Variants in TENT4A observed in about 807,000 individuals in gnomAD.
The protein encoded by TENT4A is terminal nucleotidyltransferase 4A, also known as DNA polymerase kappa.
TENT4A carries 7 observed loss-of-function variants against 72.8 expected under a neutral mutation model. That is an observed-to-expected ratio of 0.10 (90% CI 0.05 to 0.18). The LOEUF (loss-of-function observed/expected upper bound fraction) is 0.18, where lower values mean the gene tolerates loss of function less well. TENT4A is among the 10% of genes least tolerant of loss of function. TENT4A has a pLI of 1.00. For missense variants in TENT4A, 831 were observed against 1,017.7 expected (o/e 0.82, Z 2.50); for synonymous variants, 456 against 434.3 (o/e 1.05, Z -0.62).
intron 11 of TENT4A, among the ~76,000 whole-genome samples, chr5:6,752,422 G>A (rs1274008279): frequency 2.0e-5 from 3 of 152,232 alleles, no homozygotes; most frequent in Non-Finnish European, 4.4e-5. Flanking sequence ...GCTGCTGACA[G>A]TAACGGGTGA....
At chr5:6,738,604 T>C (rs1174759479) in intron 2 of TENT4A, 79 bp from the exon 3 acceptor site, 1 of 1,069,812 alleles carries the variant, frequency 9.3e-7, no homozygotes, top group Non-Finnish European at 1.5e-6. Context: ...TAGTGAGGGC[T>C]TTCTTTTAGT....
chr5:6,740,853 G>T (rs1345057136), intron 4 of TENT4A, among the ~76,000 whole-genome samples: 3 of 152,190 alleles, frequency 2.0e-5, no homozygotes, highest in African/African-American at 7.2e-5. Context: ...AATGCTTACG[G>T]GCCTTATTGC....
At chr5:6,727,426 T>C (rs758160984) in intron 1 of TENT4A, among the ~76,000 whole-genome samples, 1 of 152,234 alleles carries the variant, frequency 6.6e-6, no homozygotes, top group Non-Finnish European at 1.5e-5. Flanking sequence ...TAGGTCCATC[T>C]TGAATCTCCT....
intron 6 of TENT4A, among the ~76,000 whole-genome samples, chr5:6,745,467 CAT>C (rs1184243219): frequency 6.6e-6 from 1 of 152,206 alleles, no homozygotes; most frequent in Non-Finnish European, 1.5e-5. Flanking sequence ...CAGGGCGCCA[CAT>C]GTGGCTACTG....
intron 6 of TENT4A, 82 bp downstream of exon 6, chr5:6,743,922 G>T: frequency 7.9e-7 from 1 of 1,265,092 alleles, no homozygotes; most frequent in Non-Finnish European, 1.1e-6. Context: ...GTGGGTTCCA[G>T]CAGCCTTTGC....
chr5:6,720,814 G>A (rs1740611874), intron 1 of TENT4A, among the ~76,000 whole-genome samples: 1 of 152,104 alleles, frequency 6.6e-6, no homozygotes, highest in African/African-American at 2.4e-5. Flanking sequence ...TTAGGAAAGG[G>A]GTCTTTCCTA....
At chr5:6,743,943 C>A (rs2126643972) in intron 6 of TENT4A, 103 bp downstream of exon 6, 1 of 1,040,134 alleles carries the variant, frequency 9.6e-7, no homozygotes, top group Non-Finnish European at 1.4e-6. Context: ...TCTCCTTTTA[C>A]TGTATTGTTT....
chr5:6,750,297 A>G (rs1579498385), intron 9 of TENT4A, 34 bp from the exon 10 acceptor site: 1 of 1,580,340 alleles, frequency 6.3e-7, no homozygotes, highest in Non-Finnish European at 8.6e-7. Flanking sequence ...CGCAGTTCTC[A>G]GGAGTTATTA....
chr5:6,752,860 A>G lies in TENT4A; in HGVS notation c.2020-13A>G, dbSNP rs763392747. On this transcript the variant is annotated splice_polypyrimidine_tract_variant and intron_variant, in intron 11 of 12. Transcript: ENST00000230859. ...GCTTTGGTACCCATGGCCGTCTCTC[A>G]TTTTGTTCCTAGACCAGGTTTACTA... The G allele has an allele frequency of 2.5e-6, 4 of 1,606,850 alleles. No homozygotes were observed. Among genetic ancestry groups the G allele is most frequent in the South Asian group, 2.2e-5 (2 of 90,926 alleles).
Position 6,754,895 on chromosome 5 carries a change from A to G in TENT4A, c.2329A>G (p.Lys777Glu). 2 of 1,605,318 alleles carry G rather than the reference A, an allele frequency of 1.2e-6. No homozygotes were observed. Among genetic ancestry groups the G allele is most frequent in the Non-Finnish European group, 1.7e-6 (2 of 1,173,706 alleles). Residue 777 changes from lysine (K) to glutamate (E), a missense_variant, in exon 13 of 13, where the codon AAA (lysine) becomes GAA (glutamate). Lys to Glu is a moderately conservative substitution (Grantham distance 56). Around this residue, in one of 3 missense-constraint regions of TENT4A, gnomAD observed 332 missense variants for 324.3 expected, o/e 1.02. Coordinates refer to ENST00000230859, the MANE Select transcript of TENT4A (RefSeq NM_006999.6). ...GTATAACCGCACCGGCTGGAGGAGG[A>G]AAAAACACACACACACACGGGACAG... ...HQYNRTGWRRKKHTHTRDSLP... is the reference protein window; with the variant it reads ...HQYNRTGWRREKHTHTRDSLP...
chr5:6,721,665 G>C lies in TENT4A; in HGVS notation c.716+6966G>C, dbSNP rs377236654. Among the ~76,000 whole-genome samples the C allele has an allele frequency of 3.7e-4, 57 of 152,332 alleles. No individual in the cohort carries two copies. The South Asian group carries it at 0.012, about 32-fold the overall frequency. ...GGGTGGGCCACATCTGGGCCCGGGCGGGGTGGATCTCTGCAGAAGTTTATC... is the reference window on the plus strand; with the variant it reads ...GGGTGGGCCACATCTGGGCCCGGGCCGGGTGGATCTCTGCAGAAGTTTATC... On this transcript the variant is annotated intron_variant, in intron 1 of 12. Coordinates refer to ENST00000230859, the MANE Select transcript of TENT4A (RefSeq NM_006999.6).
At chr5:6,752,674 C>T (rs566667273) in intron 11 of TENT4A, among the ~76,000 whole-genome samples, 199 bp from the exon 12 acceptor site, 1 of 152,214 alleles carries the variant, frequency 6.6e-6, no homozygotes, top group East Asian at 1.9e-4. Flanking sequence ...ACTTTATATG[C>T]CAGTTGCTGT....
rs547620829 is a variant in TENT4A at position 6,744,213 on chromosome 5, C to A, written c.1245+373C>A. ...ATTTGTCTCAGAATAAAGTTGAGTA[C>A]CACATATGAGAAAAGGATTTACAAG... is the stretch of plus-strand genomic sequence containing the variant. On this transcript the variant is annotated intron_variant, in intron 6 of 12. Coordinates refer to ENST00000230859, the MANE Select transcript of TENT4A (RefSeq NM_006999.6). 2.5e-4 allele frequency among the ~76,000 whole-genome samples: 38 copies of A among 152,230 alleles called. 1 individual carries two copies. The highest frequency in any genetic ancestry group is 8.7e-4 in the African/African-American group (36 of 41,522).
chr5:6,727,649 A>T (rs1741002431), intron 1 of TENT4A, among the ~76,000 whole-genome samples: 1 of 152,166 alleles, frequency 6.6e-6, no homozygotes, highest in Non-Finnish European at 1.5e-5. Flanking sequence ...TCTCAGCCTC[A>T]GTACCAGCCA....
At chr5:6,731,861 A>G (rs1436419870) in intron 1 of TENT4A, among the ~76,000 whole-genome samples, 2 of 152,228 alleles carry the variant, frequency 1.3e-5, no homozygotes, top group Non-Finnish European at 2.9e-5. Flanking sequence ...AGACAAGCCC[A>G]TAGTATGTTC....
intron 1 of TENT4A, among the ~76,000 whole-genome samples, chr5:6,728,459 A>C (rs1354168254): frequency 2.6e-5 from 4 of 152,276 alleles, no homozygotes; most frequent in Non-Finnish European, 5.9e-5. Context: ...CTTCCTCACA[A>C]AGCTCATCTG....
At position 6,739,923 on chromosome 5, in the gene TENT4A, C is replaced by G. The variant is rs1431829087; in HGVS notation, c.1008+71C>G. On this transcript the variant is annotated intron_variant, in intron 4 of 12. Transcript: ENST00000230859. ...ACATCCCAGGTGGTCACAGGATACG[C>G]CTGCGTCACGAGCTTGTGGTATTTT... 2.0e-6 allele frequency: 3 copies of G among 1,468,750 alleles called. No homozygotes were observed. The Admixed American group carries it at 5.4e-5, about 26-fold the overall frequency. 91.0% of individuals were successfully genotyped at this position (1,468,750 alleles called of 1,614,324 possible).
chr5:6,713,770 T>TCACCGCCGC lies in TENT4A; in HGVS notation c.-212_-204dup, dbSNP rs1740209941. The TCACCGCCGC allele has an allele frequency of 7.0e-6, 1 of 142,520 alleles. No homozygotes were observed. Among genetic ancestry groups the TCACCGCCGC allele is most frequent in the African/African-American group, 2.6e-5 (1 of 38,924 alleles). 8.8% of individuals were successfully genotyped at this position (142,520 alleles called of 1,614,324 possible). A position where few individuals can be genotyped will look rare whatever the true frequency, so the allele number is the denominator to read the frequency against. ...GCCCGCCGCGGCCTGCCGGGGCCCA[T>TCACCGCCGC]CACCGCCGCCGCCGCCCCACGCCGG... On this transcript the variant is annotated 5_prime_UTR_variant, in exon 1 of 13. Transcript: ENST00000230859.
chr5:6,737,776 G>A, intron 2 of TENT4A, 143 bp downstream of exon 2: 3 of 892,940 alleles, frequency 3.4e-6, no homozygotes, highest in Middle Eastern at 2.5e-4. Flanking sequence ...GCTTTGAGAA[G>A]GCCTCCGTTG....
Sources: gnomAD v4.1 joint callset for allele counts (sites outside exome capture counted in the v4.1 genomes callset) on GRCh38, gnomAD v4.1.1 for gene constraint, gnomAD v4.1.1 regional missense constraint, MANE v1.5 for transcripts, NCBI Gene and HGNC (gene_info 2026-07-23, HGNC 2026-07-21) for gene names.